Variants in TRIM71 observed in about 807,000 individuals in gnomAD.
The protein encoded by TRIM71 is tripartite motif containing 71.
Under a neutral mutation model 61.2 loss-of-function variants are expected in TRIM71, and 9 were observed. That is an observed-to-expected ratio of 0.15 (90% CI 0.09 to 0.26). TRIM71 has a LOEUF of 0.26. Among genes scored for constraint, TRIM71 ranks in the 10% least tolerant of loss-of-function variants. The probability of loss-of-function intolerance (pLI) is 1.00; values close to 1 mark genes in which losing one functional copy is unlikely to be tolerated. For synonymous variants in TRIM71, 645 were observed against 553.2 expected (o/e 1.17, Z -2.33); for missense variants, 998 against 1,238.7 (o/e 0.81, Z 2.92).
At chr3:32,851,629 C>T (rs576416814) in intron 1 of TRIM71, among the ~76,000 whole-genome samples, 14 of 152,106 alleles carry the variant, frequency 9.2e-5, no homozygotes, top group Non-Finnish European at 1.8e-4. Context: ...CAAGTGCCCG[C>T]CACTACGCCT....
rs1303311825 is a variant in TRIM71, at chr3:32,894,049, T to C, written c.*2238T>C. On this transcript the variant is annotated 3_prime_UTR_variant, in exon 4 of 4. Coordinates refer to ENST00000383763, the MANE Select transcript of TRIM71 (RefSeq NM_001039111.3). The stretch of plus-strand genomic sequence containing the variant: ...GAATCCTTCCCCAATGCCTATTCAG[T>C]TGCCTTTTGGCCGTTAAGCTCTAAG... 6.6e-6 allele frequency: 1 copy of C among 152,224 alleles called. No homozygotes were observed. Among genetic ancestry groups the C allele is most frequent in the Non-Finnish European group, 1.5e-5 (1 of 68,042 alleles). 9.4% of individuals were successfully genotyped at this position (152,224 alleles called of 1,614,324 possible). A position where few individuals can be genotyped will look rare whatever the true frequency, so the allele number is the denominator to read the frequency against.
At chr3:32,869,871 C>T (rs956516004) in intron 1 of TRIM71, among the ~76,000 whole-genome samples, 34 of 152,152 alleles carry the variant, frequency 2.2e-4, no homozygotes, top group African/African-American at 6.0e-4. Context: ...GCCGGATTGT[C>T]GCCAGGCCCG....
At chr3:32,847,624 C>T (rs1405800249) in intron 1 of TRIM71, among the ~76,000 whole-genome samples, 1 of 152,256 alleles carries the variant, frequency 6.6e-6, no homozygotes, top group Admixed American at 6.5e-5. Flanking sequence ...GCCTGACTTA[C>T]TGTATCCTTA....
intron 1 of TRIM71, among the ~76,000 whole-genome samples, chr3:32,871,891 C>T (rs1423666142): frequency 6.6e-6 from 1 of 152,228 alleles, no homozygotes; most frequent in African/African-American, 2.4e-5. Context: ...CGCCTGTAAT[C>T]CCAGCACTTT....
intron 1 of TRIM71, among the ~76,000 whole-genome samples, chr3:32,861,241 G>A (rs1034356874): frequency 8.7e-5 from 13 of 150,060 alleles, no homozygotes; most frequent in African/African-American, 2.4e-4. Context: ...GCAGTGGCAC[G>A]ATCTCGGCTC....
intron 1 of TRIM71, among the ~76,000 whole-genome samples, chr3:32,821,343 A>G (rs1304306660): frequency 2.6e-5 from 4 of 152,074 alleles, no homozygotes; most frequent in Non-Finnish European, 4.4e-5. Flanking sequence ...GGCTCCGTTA[A>G]ATAATTCAGA....
At chr3:32,830,302 A>G (rs1018354575) in intron 1 of TRIM71, among the ~76,000 whole-genome samples, 2 of 152,190 alleles carry the variant, frequency 1.3e-5, no homozygotes, top group African/African-American at 4.8e-5. Context: ...TAAAAAGCAT[A>G]AATGGGCTCT....
At chr3:32,876,161 C>T (rs529258654) in intron 2 of TRIM71, among the ~76,000 whole-genome samples, 5 of 152,270 alleles carry the variant, frequency 3.3e-5, no homozygotes, top group African/African-American at 1.2e-4. Context: ...TCTGTCCCTG[C>T]GGATGAAGTG....
intron 1 of TRIM71, among the ~76,000 whole-genome samples, chr3:32,834,227 G>T (rs1015330382): frequency 6.6e-6 from 1 of 152,142 alleles, no homozygotes; most frequent in Non-Finnish European, 1.5e-5. Context: ...TGTTTGTTAC[G>T]GTTATAAATG....
In TRIM71 at chr3:32,873,991, C is replaced by T. The variant is rs111415327; in HGVS notation, c.1020+6C>T. On this transcript the variant is annotated splice_donor_region_variant and intron_variant, in intron 2 of 3. Transcript: ENST00000383763. Reference sequence around the variant, plus strand: ...AGGGACGACAGGCAATCCAGGTGAGCCTTCCCTGCCCTTCTGCAGTTCCCA... The same window carrying T: ...AGGGACGACAGGCAATCCAGGTGAGTCTTCCCTGCCCTTCTGCAGTTCCCA... The T allele has an allele frequency of 3.4e-5, 54 of 1,597,514 alleles. No individual in the cohort carries two copies. In the African/African-American group the frequency reaches 4.8e-4, roughly 14 times the overall value.
At chr3:32,843,732 A>G (rs940503665) in intron 1 of TRIM71, among the ~76,000 whole-genome samples, 1 of 152,150 alleles carries the variant, frequency 6.6e-6, no homozygotes, top group African/African-American at 2.4e-5. Context: ...AGGACAAGTA[A>G]CATTCTGGAG....
chr3:32,839,411 A>G (rs1575344889), intron 1 of TRIM71, among the ~76,000 whole-genome samples: 1 of 151,442 alleles, frequency 6.6e-6, no homozygotes, highest in Non-Finnish European at 1.5e-5. Context: ...TTGTATTTTT[A>G]GTTAGATACA....
chr3:32,864,352 C>G (rs1238805209), intron 1 of TRIM71, among the ~76,000 whole-genome samples: 2 of 152,202 alleles, frequency 1.3e-5, no homozygotes, highest in Non-Finnish European at 2.9e-5. Context: ...GTGTGGCACT[C>G]TTAGGAAGAT....
At chr3:32,828,502 CTTTTT>C (rs67014189) in intron 1 of TRIM71, among the ~76,000 whole-genome samples, 3 of 93,248 alleles carry the variant, frequency 3.2e-5, no homozygotes, top group Non-Finnish European at 6.0e-5. Flanking sequence ...CAATTGTAAA[CTTTTT>C]TTTTTTTTTT....
intron 1 of TRIM71, among the ~76,000 whole-genome samples, chr3:32,849,821 G>A (rs944468321): frequency 6.6e-6 from 1 of 152,140 alleles, no homozygotes. Flanking sequence ...TCTGACCTGT[G>A]TACTTTCTCT....
chr3:32,889,523 C>T (rs2125693146), intron 3 of TRIM71, among the ~76,000 whole-genome samples: 1 of 150,628 alleles, frequency 6.6e-6, no homozygotes, highest in East Asian at 1.9e-4. Context: ...CCATATATTC[C>T]TTCTCCAGAT....
intron 1 of TRIM71, among the ~76,000 whole-genome samples, chr3:32,834,836 A>T (rs1696314747): frequency 6.6e-6 from 1 of 152,110 alleles, no homozygotes; most frequent in South Asian, 2.1e-4. Flanking sequence ...GCGAGACTCC[A>T]TCTCAAAAAA....
At chr3:32,882,116 G>T (rs920452252) in intron 2 of TRIM71, among the ~76,000 whole-genome samples, 1 of 151,364 alleles carries the variant, frequency 6.6e-6, no homozygotes, top group Non-Finnish European at 1.5e-5. Context: ...TATGCAAAGG[G>T]AGTGGTGTTT....
rs756090372 is a variant in TRIM71 at position 32,890,550 on chromosome 3, G to A, written c.1346G>A (p.Ser449Asn). 2 of 1,614,038 alleles carry A rather than the reference G, an allele frequency of 1.2e-6. No individual in the cohort carries two copies. The highest frequency in any genetic ancestry group is 3.3e-5 in the Admixed American group (2 of 60,022). ...AQVQELKTVR[S>N]LLQPQEDDRV... ...GTGCAGGAGCTGAAGACCGTGCGGA[G>A]CCTCCTGCAGCCCCAGGAAGACGAC... The change falls in exon 4 of 4, where the codon AGC becomes AAC. Residue 449 changes from serine (S) to asparagine (N), a missense_variant. This residue lies in a region of TRIM71 where 291 missense variants were observed against 431.2 expected (regional missense o/e 0.67). Coordinates refer to ENST00000383763, the MANE Select transcript of TRIM71 (RefSeq NM_001039111.3). The surrounding 1 kb of genome is among the most constrained non-coding windows in gnomAD (Gnocchi z 6.2).
Sources: allele counts gnomAD v4.1 joint callset (sites outside exome capture counted in the v4.1 genomes callset), GRCh38; gene constraint gnomAD v4.1.1; regional missense constraint gnomAD v4.1.1; non-coding constraint Gnocchi (gnomAD v3.1); transcripts MANE v1.5; gene names NCBI Gene and HGNC (gene_info 2026-07-23, HGNC 2026-07-21).